The following STAG1 variants were observed in gnomAD, a reference collection of about 807,000 sequenced individuals.
The protein encoded by STAG1 is cohesin subunit SA-1.
A neutral mutation model predicts 170.9 loss-of-function variants in STAG1; 26 were observed. The ratio of observed to expected loss-of-function variants is 0.15; its 90% CI spans 0.11 to 0.21. The LOEUF (loss-of-function observed/expected upper bound fraction) is 0.21. Ranked by LOEUF, STAG1 falls within the 10% of genes least tolerant of loss-of-function variation. STAG1 has a pLI of 1.00. For synonymous variants in STAG1, 514 were observed against 497.7 expected, an observed-to-expected ratio of 1.03 and a Z score of -0.44; for missense variants, 964 against 1,509.5, an observed-to-expected ratio of 0.64 and a Z score of 5.99.
intron 1 of STAG1, among the ~76,000 whole-genome samples, chr3:136,722,083 C>T (rs1023680390): frequency 2.0e-5 from 3 of 151,780 alleles, no homozygotes; most frequent in African/African-American, 4.8e-5. Context: ...AATAGCCAGG[C>T]ATGGTGGTGC....
At chr3:136,467,647 C>A (rs138387130) in intron 12 of STAG1, among the ~76,000 whole-genome samples, 2,399 of 152,252 alleles carry the variant, frequency 0.016, 67 homozygotes, top group African/African-American at 0.055. Flanking sequence ...CTCAGCTCTG[C>A]ACCAAGCGGA....
intron 5 of STAG1, among the ~76,000 whole-genome samples, chr3:136,551,490 G>A (rs1468985889): frequency 7.4e-6 from 1 of 135,298 alleles, no homozygotes; most frequent in Non-Finnish European, 1.5e-5. Context: ...GTGTTGCCCA[G>A]GCTACTCTAG....
intron 20 of STAG1, among the ~76,000 whole-genome samples, chr3:136,418,707 T>C (rs139742671): frequency 3.3e-5 from 5 of 151,818 alleles, no homozygotes; most frequent in Non-Finnish European, 7.4e-5. Flanking sequence ...AGTGGCAAGA[T>C]CTTGGCTCAC....
At chr3:136,364,649 A>G (rs1415523176) in intron 25 of STAG1, among the ~76,000 whole-genome samples, 1 of 152,240 alleles carries the variant, frequency 6.6e-6, no homozygotes, top group African/African-American at 2.4e-5. Context: ...AAACACAGAC[A>G]TCTTCGACAG....
intron 4 of STAG1, among the ~76,000 whole-genome samples, chr3:136,580,832 C>G (rs1244987568): frequency 6.6e-6 from 1 of 152,094 alleles, no homozygotes; most frequent in Non-Finnish European, 1.5e-5. Flanking sequence ...CGCACCCGGC[C>G]TCTTGTATAA....
At chr3:136,507,285 T>C (rs1168003840) in intron 7 of STAG1, among the ~76,000 whole-genome samples, 1 of 152,178 alleles carries the variant, frequency 6.6e-6, no homozygotes, top group Non-Finnish European at 1.5e-5. Flanking sequence ...ACTGGCAACT[T>C]TGGTTGTCTT....
At chr3:136,589,668 C>A (rs986287145) in intron 4 of STAG1, among the ~76,000 whole-genome samples, 11 of 137,396 alleles carry the variant, frequency 8.0e-5, no homozygotes, top group Non-Finnish European at 1.5e-4. Flanking sequence ...CAGTGGCTCA[C>A]GCCTGTAATC....
Position 136,518,543 on chromosome 3 carries a change from A to C in STAG1, c.676+2670T>G, listed in dbSNP as rs1210836893. The C allele has an allele frequency of 5.0e-6, 3 of 601,752 alleles. No individual in the cohort carries two copies. In the African/African-American group the frequency reaches 5.6e-5, roughly 11 times the overall value. The allele number at this position is 601,752 out of a possible 1,614,324, so 37.3% of individuals were successfully genotyped here. A position where few individuals can be genotyped will look rare whatever the true frequency, so the allele number is the denominator to read the frequency against. On this transcript the variant is annotated intron_variant, in intron 7 of 33. Transcript: ENST00000383202. ...AGGGATAATTGTTGTCCAGCCTGGA[A>C]TTAAGTTCTCAGCAAGCCCTCTGTG...
At chr3:136,580,890 A>C (rs1937578066) in intron 4 of STAG1, among the ~76,000 whole-genome samples, 1 of 152,062 alleles carries the variant, frequency 6.6e-6, no homozygotes, top group Non-Finnish European at 1.5e-5. Flanking sequence ...TTGAATTATT[A>C]TTTTATTATT....
intron 11 of STAG1, 88 bp from the exon 12 acceptor site, chr3:136,472,580 G>T: frequency 1.2e-6 from 1 of 857,422 alleles, no homozygotes; most frequent in Non-Finnish European, 1.9e-6. Context: ...GGATATATAT[G>T]CAATACTAAT....
chr3:136,523,570 T>C lies in STAG1; in HGVS notation c.472-2153A>G, dbSNP rs184033044. On this transcript the variant is annotated intron_variant, in intron 6 of 33. Coordinates refer to ENST00000383202, the MANE Select transcript of STAG1 (RefSeq NM_005862.3). ...ACCTGTTCACTCTGATGGTAGTTTC[T>C]TTTGCTGTGCAGAAGCTCTTTAGTT... 6.6e-5 allele frequency among the ~76,000 whole-genome samples: 10 copies of C among 152,346 alleles called. No individual in the cohort carries two copies. The East Asian group carries it at 1.9e-3, about 29-fold the overall frequency.
Position 136,604,380 on chromosome 3 carries a change from G to A in STAG1, c.226C>T (p.Pro76Ser). The A allele has an allele frequency of 2.5e-6, 4 of 1,613,394 alleles. No homozygotes were observed. The highest frequency in any genetic ancestry group is 3.4e-6 in the Non-Finnish European group (4 of 1,179,672). ...GGCTCCCCTTCCCCATTCTGTTGAG[G>A]GTGTCCATTAGCTCTTCCACGGCCT... Reference protein sequence around the residue: ...GAGRGRANGHPQQNGEGEPVT... With the variant: ...GAGRGRANGHSQQNGEGEPVT... The change falls in exon 4 of 34, where the codon CCT becomes TCT. Residue 76 changes from proline (P) to serine (S), a missense_variant. Pro to Ser is a moderately conservative substitution (Grantham distance 74). Transcript: ENST00000383202.
At chr3:136,347,081 TAAAAA>T (rs57595953) in intron 29 of STAG1, among the ~76,000 whole-genome samples, 2 of 118,222 alleles carry the variant, frequency 1.7e-5, no homozygotes, top group African/African-American at 3.2e-5. Context: ...CCTGTCTCAT[TAAAAA>T]AAAAAAAAAA....
chr3:136,575,102 C>A (rs1397042700), intron 4 of STAG1, among the ~76,000 whole-genome samples: 2 of 152,116 alleles, frequency 1.3e-5, no homozygotes, highest in East Asian at 3.8e-4. Flanking sequence ...ACTGTTGAAT[C>A]CACCTACAGT....
chr3:136,359,253 C>G lies in STAG1; in HGVS notation c.2831G>C (p.Arg944Thr). ...LVQEQGPNLDRTSAHVSGIKE... is the reference protein window; with the variant it reads ...LVQEQGPNLDTTSAHVSGIKE... ...AATGCCACTGACATGGGCAGATGTCCTATCTAGGTTGGGACCTTGCTCTTG... is the reference window on the plus strand; with the variant it reads ...AATGCCACTGACATGGGCAGATGTCGTATCTAGGTTGGGACCTTGCTCTTG... The change falls in exon 27 of 34, where the codon AGG (arginine) becomes ACG (threonine). Residue 944 changes from arginine to threonine, a missense_variant. Physicochemically the swap from Arg to Thr is moderately conservative, Grantham distance 71. Transcript: ENST00000383202. 6.2e-7 allele frequency: 1 copy of G among 1,612,502 alleles called. No individual in the cohort carries two copies. Among genetic ancestry groups the G allele is most frequent in the Non-Finnish European group, 8.5e-7 (1 of 1,179,044 alleles).
rs1267730410 is a variant in STAG1, at chr3:136,674,169, GGGAA to G, written c.-83-43192_-83-43189del. 2.3e-3 allele frequency among the ~76,000 whole-genome samples: 84 copies of G among 36,048 alleles called. 1 individual carries two copies. The highest frequency in any genetic ancestry group is 3.3e-3 in the Non-Finnish European group (50 of 14,964). 23.6% of individuals were successfully genotyped at this position (36,048 alleles called of 152,430 possible). ...AGGGAGGGAGAGAGGGAGGGAGGGA[GGGAA>G]GGAGGGAGGGAGGGAGGGAAGGAGG... On this transcript the variant is annotated intron_variant, in intron 1 of 33. Coordinates refer to ENST00000383202, the MANE Select transcript of STAG1 (RefSeq NM_005862.3).
chr3:136,352,385 C>T (rs980177486), intron 28 of STAG1, among the ~76,000 whole-genome samples: 7 of 152,118 alleles, frequency 4.6e-5, no homozygotes, highest in Non-Finnish European at 5.9e-5. Context: ...GTCTTGAACT[C>T]GTGAGCTCAA....
chr3:136,727,226 G>A (rs1933738590), intron 1 of STAG1, among the ~76,000 whole-genome samples: 2 of 151,862 alleles, frequency 1.3e-5, no homozygotes, highest in African/African-American at 4.8e-5. Context: ...GTATAACTTG[G>A]ACAGCCTTAA....
At chr3:136,653,487 A>AT (rs955700946) in intron 1 of STAG1, among the ~76,000 whole-genome samples, 1 of 152,076 alleles carries the variant, frequency 6.6e-6, no homozygotes, top group East Asian at 1.9e-4. Flanking sequence ...TTTTTTTCTA[A>AT]TTTTTTAACA....
Sources: allele counts gnomAD v4.1 joint callset (sites outside exome capture counted in the v4.1 genomes callset), GRCh38; gene constraint gnomAD v4.1.1; transcripts MANE v1.5; gene names NCBI Gene and HGNC (gene_info 2026-07-23, HGNC 2026-07-21).